ECPAS: variants seen among roughly 807,000 people sequenced by gnomAD.
ECPAS encodes the protein proteasome adapter and scaffold protein ECM29.
Under a neutral mutation model 255.1 loss-of-function variants are expected in ECPAS, and 70 were observed. That is an observed-to-expected ratio of 0.27 (90% CI 0.23 to 0.33). The LOEUF (loss-of-function observed/expected upper bound fraction) is 0.33, where lower values mean the gene tolerates loss of function less well. ECPAS is among the 10% of genes least tolerant of loss of function. ECPAS has a pLI of 1.00. For synonymous variants in ECPAS, 784 were observed against 775.0 expected, an observed-to-expected ratio of 1.01 and a Z score of -0.19; for missense variants, 1,817 against 2,206.4, an observed-to-expected ratio of 0.82 and a Z score of 3.54.
chr9:111,466,387 G>T (rs1225556172), intron 2 of ECPAS, among the ~76,000 whole-genome samples: 10 of 152,106 alleles, frequency 6.6e-5, no homozygotes, highest in Non-Finnish European at 1.2e-4. Flanking sequence ...AGAGGTTGCA[G>T]TGAGCCATGA....
At position 111,371,662 on chromosome 9, in the gene ECPAS, C is replaced by A. The variant is rs768712662; in HGVS notation, c.4696G>T (p.Ala1566Ser). The change falls in exon 43 of 50, where the codon GCA becomes TCA. Residue 1566 changes from alanine to serine, a missense_variant. This residue lies in a region of ECPAS where 960 missense variants were observed against 1,179.0 expected (regional missense o/e 0.81). Coordinates refer to ENST00000684092, the MANE Select transcript of ECPAS (RefSeq NM_001364929.1). ...VPPYLGMILT[A>S]LLQGLAGRTW... Reference sequence around the variant, plus strand: ...CTTCCAGCCAGGCCTTGCAGCAATGCGGTCAGTATCATTCCGAGATATGGA... The same window carrying A: ...CTTCCAGCCAGGCCTTGCAGCAATGAGGTCAGTATCATTCCGAGATATGGA... The A allele has an allele frequency of 1.1e-5, 17 of 1,613,692 alleles. No homozygotes were observed. The highest frequency in any genetic ancestry group is 1.4e-5 in the Non-Finnish European group (16 of 1,179,810).
intron 31 of ECPAS, 77 bp from the exon 32 acceptor site, chr9:111,386,533 GTTAACCACAC>G (rs2098148873): frequency 4.8e-6 from 4 of 831,726 alleles, no homozygotes; most frequent in East Asian, 2.6e-5. Flanking sequence ...AACCACACTG[GTTAACCACAC>G]TTAACCACAC....
intron 7 of ECPAS, among the ~76,000 whole-genome samples, chr9:111,434,523 C>T (rs1020204576): frequency 3.3e-5 from 5 of 151,368 alleles, no homozygotes; most frequent in Admixed American, 6.6e-5. Context: ...GGTGAACACA[C>T]ACACATGCAC....
chr9:111,417,976 G>T lies in ECPAS; in HGVS notation c.1590C>A (p.Arg530=). The part of the protein sequence containing the change: ...PREEVHGEAQ[R]VLRCLPGRNR... ...TTCTACCTGGAAGACACCTTAATAC[G>T]CGTTGTGCTTCTCCATGAACTTCTT... Residue 530 remains arginine, a synonymous_variant, in exon 17 of 50, where the codon CGC becomes CGA. Transcript: ENST00000684092. The T allele has an allele frequency of 6.2e-7, 1 of 1,605,270 alleles. No individual in the cohort carries two copies. Among genetic ancestry groups the T allele is most frequent in the Non-Finnish European group, 8.5e-7 (1 of 1,176,264 alleles).
chr9:111,381,022 G>T (rs1202930058), intron 35 of ECPAS, among the ~76,000 whole-genome samples: 1 of 152,210 alleles, frequency 6.6e-6, no homozygotes, highest in Non-Finnish European at 1.5e-5. Flanking sequence ...CTTATCATTT[G>T]TGTGTTGGCT....
Position 111,362,005 on chromosome 9 carries a change from CTTGT to C in ECPAS, c.*21_*24del, listed in dbSNP as rs753728126. 1.2e-6 allele frequency: 2 copies of C among 1,607,550 alleles called. No homozygotes were observed. The highest frequency in any genetic ancestry group is 2.2e-5 in the South Asian group (2 of 90,064). ...ACTTCAACCCCCAATGAACATGGCA[CTTGT>C]TTGTTTCTTCCCCTTCTAATTTATT... On this transcript the variant is annotated 3_prime_UTR_variant, in exon 50 of 50. Coordinates refer to ENST00000684092, the MANE Select transcript of ECPAS (RefSeq NM_001364929.1).
At chr9:111,370,397 A>G in intron 45 of ECPAS, 38 bp downstream of exon 45, 1 of 1,369,524 alleles carries the variant, frequency 7.3e-7, no homozygotes, top group South Asian at 1.5e-5. Flanking sequence ...TTTTCTTTTT[A>G]AAGTATAAAC....
chr9:111,455,772 C>T (rs1353716608), intron 2 of ECPAS, among the ~76,000 whole-genome samples: 2 of 152,210 alleles, frequency 1.3e-5, no homozygotes, highest in Non-Finnish European at 2.9e-5. Context: ...TTCAGAGGTG[C>T]TGTCACAACT....
rs1213815205 is a variant in ECPAS, at chr9:111,473,998, G to GT, written c.-82-999dup. Among the ~76,000 whole-genome samples the GT allele has an allele frequency of 3.9e-5, 6 of 152,202 alleles. No individual in the cohort carries two copies. In the East Asian group the frequency reaches 7.7e-4, roughly 20 times the overall value. On this transcript the variant is annotated intron_variant, in intron 1 of 49. Transcript: ENST00000684092. Reference sequence around the variant, plus strand: ...AAAGAAAAGAAAAGAAAAAAATCTTGTAAGTTTTATTATCTCATTTTACAG... The same window carrying GT: ...AAAGAAAAGAAAAGAAAAAAATCTTGTTAAGTTTTATTATCTCATTTTACAG...
chr9:111,453,710 C>T (rs923404448), intron 2 of ECPAS, among the ~76,000 whole-genome samples: 2 of 152,108 alleles, frequency 1.3e-5, no homozygotes, highest in African/African-American at 4.8e-5. Flanking sequence ...GCATTTTACC[C>T]CTCTGGTATT....
rs1683621675 is a variant in ECPAS, at chr9:111,413,568, T to TG, written c.2079+326dup. Among the ~76,000 whole-genome samples the TG allele has an allele frequency of 2.0e-5, 3 of 151,878 alleles. No individual in the cohort carries two copies. In the South Asian group the frequency reaches 6.2e-4, roughly 32 times the overall value. On this transcript the variant is annotated intron_variant, in intron 20 of 49. Transcript: ENST00000684092. ...TTAGAAGGCTTGGGTAGGTTGGAGATGGTTACGGAAAGGAGACATTTTACA... is the reference window on the plus strand; with the variant it reads ...TTAGAAGGCTTGGGTAGGTTGGAGATGGGTTACGGAAAGGAGACATTTTACA...
chr9:111,415,604 G>A (rs1277343105), intron 18 of ECPAS, among the ~76,000 whole-genome samples: 1 of 151,652 alleles, frequency 6.6e-6, no homozygotes, highest in African/African-American at 2.4e-5. Context: ...AGGAGACTGG[G>A]ACGGAGGTTC....
intron 1 of ECPAS, among the ~76,000 whole-genome samples, chr9:111,475,001 C>T (rs2098294456): frequency 6.6e-6 from 1 of 152,164 alleles, no homozygotes; most frequent in African/African-American, 2.4e-5. Flanking sequence ...CATAATATTT[C>T]CCTATCTCCA....
intron 2 of ECPAS, among the ~76,000 whole-genome samples, chr9:111,466,768 A>G (rs2098280141): frequency 1.3e-5 from 2 of 152,174 alleles, no homozygotes; most frequent in African/African-American, 4.8e-5. Context: ...GGAAGTAGCT[A>G]GAATCACAGA....
intron 3 of ECPAS, among the ~76,000 whole-genome samples, chr9:111,449,903 A>G (rs2098258033): frequency 6.6e-6 from 1 of 152,104 alleles, no homozygotes; most frequent in Non-Finnish European, 1.5e-5. Context: ...AGCTCAGAAC[A>G]CCTGCACAGG....
At chr9:111,376,617 T>C in intron 36 of ECPAS, 76 bp from the exon 37 acceptor site, 3 of 1,070,944 alleles carry the variant, frequency 2.8e-6, no homozygotes, top group African/African-American at 1.6e-5. Flanking sequence ...CATAAAAGAC[T>C]TTCACTTCCA....
intron 3 of ECPAS, 104 bp from the exon 4 acceptor site, chr9:111,444,598 T>A: frequency 1.4e-6 from 1 of 728,698 alleles, no homozygotes; most frequent in East Asian, 2.6e-5. Flanking sequence ...GAATAGTAGC[T>A]ACTTTGTTCT....
chr9:111,379,142 CT>C (rs938423921), intron 35 of ECPAS, among the ~76,000 whole-genome samples: 2 of 152,192 alleles, frequency 1.3e-5, no homozygotes, highest in Non-Finnish European at 2.9e-5. Flanking sequence ...CTATTCCCCC[CT>C]GCCACTGTAT....
chr9:111,428,563 T>A (rs181449059), intron 9 of ECPAS, among the ~76,000 whole-genome samples: 53 of 152,300 alleles, frequency 3.5e-4, no homozygotes, highest in African/African-American at 1.3e-3. Flanking sequence ...TCTTCTGTAT[T>A]CAATCTGCTA....
Sources: allele counts gnomAD v4.1 joint callset (sites outside exome capture counted in the v4.1 genomes callset), GRCh38; gene constraint gnomAD v4.1.1; regional missense constraint gnomAD v4.1.1; transcripts MANE v1.5; gene names NCBI Gene and HGNC (gene_info 2026-07-23, HGNC 2026-07-21).